Variants in PLXNC1 observed in about 807,000 individuals in gnomAD.
PLXNC1 encodes plexin-C1.
PLXNC1 carries 75 observed loss-of-function variants against 178.2 expected under a neutral mutation model. The ratio of observed to expected loss-of-function variants is 0.42; its 90% CI spans 0.35 to 0.51. PLXNC1 has a LOEUF of 0.51. Among genes scored for constraint, PLXNC1 ranks in the 20% least tolerant of loss-of-function variants. The pLI, the probability that PLXNC1 is intolerant of heterozygous loss-of-function variation, is 0.02. For synonymous variants in PLXNC1, 790 were observed against 779.9 expected (o/e 1.01, Z -0.22); for missense variants, 1,503 against 1,984.4 (o/e 0.76, Z 4.61).
chr12:94,280,463 G>A (rs1461501593), intron 22 of PLXNC1, among the ~76,000 whole-genome samples: 1 of 152,180 alleles, frequency 6.6e-6, no homozygotes, highest in Non-Finnish European at 1.5e-5. Context: ...TCCCAGTCCA[G>A]CCCCCTGCTA....
At position 94,186,402 on chromosome 12, in the gene PLXNC1, T is replaced by A; in HGVS notation, c.1368T>A (p.Asn456Lys). ...EVRRIRVANC[N>K]KHKSCSECLT... ...GGAGAATTCGTGTTGCAAACTGCAA[T>A]AAACATAAATCCTGTTCGGAGTGTT... The change falls in exon 4 of 31, where the codon AAT (asparagine) becomes AAA (lysine). Residue 456 changes from asparagine to lysine, a missense_variant. Physicochemically the swap from Asn to Lys is moderately conservative, Grantham distance 94. Around this residue, in one of 4 missense-constraint regions of PLXNC1, gnomAD observed 615 missense variants for 698.6 expected, o/e 0.88. Transcript: ENST00000258526. 6.2e-7 allele frequency: 1 copy of A among 1,613,562 alleles called. No homozygotes were observed. The highest frequency in any genetic ancestry group is 1.3e-5 in the African/African-American group (1 of 75,054).
rs151043761 is a variant in PLXNC1 at position 94,251,452 on chromosome 12, C to T, written c.2805C>T (p.Tyr935=). The part of the protein sequence containing the change: ...VRVKLGNLEL[Y]VEQESVPSTW... ...TCAAGCTGGGAAACCTGGAGCTCTACGTCGAGCAGGAGTCAGTTCCTTCCA... is the reference window on the plus strand; with the variant it reads ...TCAAGCTGGGAAACCTGGAGCTCTATGTCGAGCAGGAGTCAGTTCCTTCCA... Residue 935 remains tyrosine (Y), a synonymous_variant, in exon 15 of 31, where the codon TAC becomes TAT. Coordinates refer to ENST00000258526, the MANE Select transcript of PLXNC1 (RefSeq NM_005761.3). 437 of 1,612,576 alleles carry T rather than the reference C, an allele frequency of 2.7e-4. No individual in the cohort carries two copies. Among genetic ancestry groups the T allele is most frequent in the Middle Eastern group, 1.2e-3 (7 of 6,084 alleles).
chr12:94,304,189 G>T, intron 30 of PLXNC1, 138 bp downstream of exon 30: 1 of 614,428 alleles, frequency 1.6e-6, no homozygotes, highest in Non-Finnish European at 2.9e-6. Context: ...TGAGATGGGG[G>T]ATCCTGGCAC....
chr12:94,264,789 A>G (rs948684322), intron 20 of PLXNC1, among the ~76,000 whole-genome samples: 1 of 152,184 alleles, frequency 6.6e-6, no homozygotes, highest in Non-Finnish European at 1.5e-5. Flanking sequence ...TTAGTCTGCC[A>G]TATGTAAGTT....
At chr12:94,185,347 T>A (rs1034132890) in intron 3 of PLXNC1, among the ~76,000 whole-genome samples, 6 of 152,220 alleles carry the variant, frequency 3.9e-5, no homozygotes, top group Admixed American at 1.3e-4. Flanking sequence ...TAGAACTCCT[T>A]ATTTCTCTAA....
At chr12:94,216,385 C>G (rs1963646834) in intron 5 of PLXNC1, among the ~76,000 whole-genome samples, 1 of 151,846 alleles carries the variant, frequency 6.6e-6, no homozygotes, top group African/African-American at 2.4e-5. Context: ...ATCAATACAC[C>G]AAAAAGTAAG....
intron 4 of PLXNC1, among the ~76,000 whole-genome samples, chr12:94,186,957 A>G (rs1305246168): frequency 6.6e-6 from 1 of 152,246 alleles, no homozygotes; most frequent in Non-Finnish European, 1.5e-5. Flanking sequence ...GTACAATCTC[A>G]GTCTCCGGGC....
At position 94,151,338 on chromosome 12, in the gene PLXNC1, G is replaced by T. The variant is rs61927391; in HGVS notation, c.1062+1305G>T. ...GAGCCAGGGAGAAAAAAACCAGGAG[G>T]TCTTTTGCAAGGCTTCTTAGAACGG... On this transcript the variant is annotated intron_variant, in intron 1 of 30. Coordinates refer to ENST00000258526, the MANE Select transcript of PLXNC1 (RefSeq NM_005761.3). 4.7e-3 allele frequency among the ~76,000 whole-genome samples: 711 copies of T among 152,204 alleles called. 2 individuals carry two copies. Among genetic ancestry groups the T allele is most frequent in the Admixed American group, 7.8e-3 (120 of 15,290 alleles).
chr12:94,265,174 C>T lies in PLXNC1; in HGVS notation c.3546C>T (p.Tyr1182=), dbSNP rs145983909. 8 of 1,613,894 alleles carry T rather than the reference C, an allele frequency of 5.0e-6. No homozygotes were observed. Among genetic ancestry groups the T allele is most frequent in the Admixed American group, 1.7e-5 (1 of 60,010 alleles). ...PVDVITCKAL[Y]TLNEDWLLWQ... ...ATGTAATCACTTGCAAAGCCCTGTA[C>T]ACACTTAATGAAGACTGGCTGTTGT... The change falls in exon 21 of 31, where the codon TAC becomes TAT. Residue 1182 remains tyrosine, a synonymous_variant. Transcript: ENST00000258526.
At chr12:94,249,965 G>A (rs942583174) in intron 14 of PLXNC1, among the ~76,000 whole-genome samples, 2 of 150,074 alleles carry the variant, frequency 1.3e-5, no homozygotes, top group Admixed American at 6.6e-5. Context: ...GAGCAGGTAG[G>A]GGGGCCATGC....
In PLXNC1 at chr12:94,174,045, G is replaced by A. The variant is rs144851303; in HGVS notation, c.1203+4752G>A. Reference sequence around the variant, plus strand: ...TCTCCCCGACCTCCCAGGGACTGCAGTAGGGTTCAGGATACAGGAAGCTAT... The same window carrying A: ...TCTCCCCGACCTCCCAGGGACTGCAATAGGGTTCAGGATACAGGAAGCTAT... On this transcript the variant is annotated intron_variant, in intron 2 of 30. Coordinates refer to ENST00000258526, the MANE Select transcript of PLXNC1 (RefSeq NM_005761.3). Among the ~76,000 whole-genome samples the A allele has an allele frequency of 3.9e-3, 596 of 152,314 alleles. 10 individuals are homozygous for A. Among genetic ancestry groups the A allele is most frequent in the African/African-American group, 0.014 (579 of 41,550 alleles).
chr12:94,283,298 G>A lies in PLXNC1; in HGVS notation c.3879+897G>A, dbSNP rs192648021. 2.7e-3 allele frequency among the ~76,000 whole-genome samples: 416 copies of A among 152,300 alleles called. 1 individual carries two copies. Among genetic ancestry groups the A allele is most frequent in the African/African-American group, 9.4e-3 (392 of 41,556 alleles). On this transcript the variant is annotated intron_variant, in intron 23 of 30. Transcript: ENST00000258526. Reference sequence around the variant, plus strand: ...GAATTTAGCCAGACTGGGCTAGGGTGCAGGCACATCCAGCAGGGAAGGGAG... The same window carrying A: ...GAATTTAGCCAGACTGGGCTAGGGTACAGGCACATCCAGCAGGGAAGGGAG...
At chr12:94,184,384 C>T (rs895982654) in intron 3 of PLXNC1, among the ~76,000 whole-genome samples, 6 of 152,034 alleles carry the variant, frequency 3.9e-5, no homozygotes, top group African/African-American at 7.3e-5. Flanking sequence ...CCTCAGCCTC[C>T]CAAAGTGCTG....
chr12:94,294,963 G>A (rs1368961367), intron 24 of PLXNC1, among the ~76,000 whole-genome samples: 2 of 152,206 alleles, frequency 1.3e-5, no homozygotes, highest in Non-Finnish European at 2.9e-5. Flanking sequence ...CAAGTCTCCT[G>A]TGATAGCACT....
At chr12:94,246,179 T>G (rs1347627223) in intron 12 of PLXNC1, among the ~76,000 whole-genome samples, 1 of 152,230 alleles carries the variant, frequency 6.6e-6, no homozygotes, top group East Asian at 1.9e-4. Context: ...GGGAACCTCC[T>G]GCAGGGCGGT....
chr12:94,192,343 AGCACAAC>A (rs1384464173), intron 4 of PLXNC1, among the ~76,000 whole-genome samples: 1 of 152,024 alleles, frequency 6.6e-6, no homozygotes, highest in Non-Finnish European at 1.5e-5. Flanking sequence ...ATATTTTTTA[AGCACAAC>A]AATGTGCTAA....
At chr12:94,204,784 G>A (rs1196887454) in intron 4 of PLXNC1, among the ~76,000 whole-genome samples, 1 of 152,214 alleles carries the variant, frequency 6.6e-6, no homozygotes. Flanking sequence ...AAGACCTTGG[G>A]TTGCTCTTAT....
At chr12:94,237,926 T>C (rs1045048221) in intron 10 of PLXNC1, 123 bp downstream of exon 10, 1 of 841,044 alleles carries the variant, frequency 1.2e-6, no homozygotes, top group African/African-American at 1.7e-5. Context: ...AGCAGGCCAA[T>C]TAGTCAGAGT....
chr12:94,150,198 C>A (rs1177417600), intron 1 of PLXNC1, among the ~76,000 whole-genome samples, 165 bp downstream of exon 1: 15 of 152,128 alleles, frequency 9.9e-5, no homozygotes, highest in Admixed American at 7.9e-4. Context: ...AGGCTCCTCT[C>A]GGACGGTCCC....
Sources: allele counts gnomAD v4.1 joint callset (sites outside exome capture counted in the v4.1 genomes callset), GRCh38; gene constraint gnomAD v4.1.1; regional missense constraint gnomAD v4.1.1; transcripts MANE v1.5; gene names NCBI Gene and HGNC (gene_info 2026-07-23, HGNC 2026-07-21).